Variants in TMEM106B observed in about 807,000 individuals in gnomAD.
TMEM106B encodes transmembrane protein 106B.
TMEM106B carries 15 observed loss-of-function variants against 31.1 expected under a neutral mutation model. The ratio of observed to expected loss-of-function variants is 0.48; its 90% CI spans 0.32 to 0.74. The LOEUF is 0.74. Among genes scored for constraint, TMEM106B ranks in the 30% least tolerant of loss-of-function variants. TMEM106B has a pLI of 0.03. For missense variants in TMEM106B, 283 were observed against 327.3 expected, an observed-to-expected ratio of 0.86 and a Z score of 1.04; for synonymous variants, 126 against 112.5, an observed-to-expected ratio of 1.12 and a Z score of -0.76.
intron 6 of TMEM106B, chr7:12,230,772 T>C (rs1170599366): frequency 5.2e-5 from 17 of 329,834 alleles, no homozygotes; most frequent in Non-Finnish European, 8.7e-5. Flanking sequence ...ATACAGACTT[T>C]TAGGGTAAAT....
intron 3 of TMEM106B, among the ~76,000 whole-genome samples, chr7:12,223,815 G>C (rs1191821462): frequency 6.6e-6 from 1 of 151,392 alleles, no homozygotes; most frequent in African/African-American, 2.4e-5. Context: ...CTGCCTCCCG[G>C]GTTCAAACTA....
chr7:12,219,375 C>T (rs756614930), intron 3 of TMEM106B, among the ~76,000 whole-genome samples: 3 of 152,260 alleles, frequency 2.0e-5, no homozygotes, highest in Non-Finnish European at 4.4e-5. Flanking sequence ...GCAACGCTGG[C>T]ATATTCCATC....
intron 1 of TMEM106B, chr7:12,214,483 CCCCTGCTTCAAAA>C (rs1781646551): frequency 4.4e-6 from 1 of 226,936 alleles, no homozygotes; most frequent in African/African-American, 2.3e-5. Context: ...CAGCCTTCCA[CCCCTGCTTCAAAA>C]TGTCCTGCTT....
chr7:12,220,063 A>G (rs554831250), intron 3 of TMEM106B, among the ~76,000 whole-genome samples: 26 of 152,326 alleles, frequency 1.7e-4, no homozygotes, highest in African/African-American at 6.3e-4. Context: ...ATGTTAGAAA[A>G]TCAGATTGAC....
intron 6 of TMEM106B, 25 bp from the exon 7 acceptor site, chr7:12,231,037 G>A (rs756187438): frequency 1.3e-6 from 2 of 1,526,402 alleles, no homozygotes; most frequent in South Asian, 2.4e-5. Flanking sequence ...ACTTGCATTT[G>A]TTCACATTTT....
intron 1 of TMEM106B, among the ~76,000 whole-genome samples, chr7:12,212,650 A>G (rs954984899): frequency 7.9e-5 from 12 of 152,162 alleles, no homozygotes; most frequent in African/African-American, 1.7e-4. Flanking sequence ...GTGTATATTC[A>G]TGGAGTACAA....
chr7:12,221,503 C>T (rs1240697723), intron 3 of TMEM106B, among the ~76,000 whole-genome samples: 1 of 152,064 alleles, frequency 6.6e-6, no homozygotes, highest in East Asian at 1.9e-4. Flanking sequence ...TAGAATAATG[C>T]CTGAAATACC....
chr7:12,224,430 T>A, intron 4 of TMEM106B, 45 bp downstream of exon 4: 6 of 1,529,158 alleles, frequency 3.9e-6, no homozygotes, highest in Non-Finnish European at 5.4e-6. Flanking sequence ...CATTCTTTTA[T>A]CCTATTAAGC....
intron 1 of TMEM106B, 74 bp from the exon 2 acceptor site, chr7:12,214,735 T>C (rs1781652504): frequency 8.5e-7 from 1 of 1,169,704 alleles, no homozygotes; most frequent in Non-Finnish European, 1.2e-6. Context: ...AATTAATTAG[T>C]GTAAATATCT....
At chr7:12,222,379 C>T (rs969644728) in intron 3 of TMEM106B, among the ~76,000 whole-genome samples, 2 of 152,032 alleles carry the variant, frequency 1.3e-5, no homozygotes, top group Non-Finnish European at 2.9e-5. Context: ...TTTATTGTCC[C>T]ACCAGGTTCA....
chr7:12,211,590 C>G (rs1205836195), intron 1 of TMEM106B, 165 bp downstream of exon 1: 2 of 152,442 alleles, frequency 1.3e-5, no homozygotes, highest in African/African-American at 4.8e-5. Context: ...GCTGTGTCGC[C>G]TCTAATGAGG....
chr7:12,221,276 TATAA>T (rs1297397358), intron 3 of TMEM106B, among the ~76,000 whole-genome samples: 1 of 152,244 alleles, frequency 6.6e-6, no homozygotes, highest in Non-Finnish European at 1.5e-5. Context: ...GTGCTGTGAC[TATAA>T]ATGTCGGGAG....
chr7:12,234,619 G>A lies in TMEM106B; in HGVS notation c.*2644G>A, dbSNP rs112114381. On this transcript the variant is annotated 3_prime_UTR_variant, in exon 8 of 8. Transcript: ENST00000396668. ...ATGGGAATAGGATAGGTATTAATAC[G>A]CTTTTCTAAACTGCTCTCAGACCTT... is the stretch of plus-strand genomic sequence containing the variant. The A allele has an allele frequency of 1.3e-5, 2 of 151,732 alleles. No individual in the cohort carries two copies. The highest frequency in any genetic ancestry group is 3.0e-5 in the Non-Finnish European group (2 of 67,744). 9.4% of individuals were successfully genotyped at this position (151,732 alleles called of 1,614,324 possible).
chr7:12,233,950 A>G lies in TMEM106B; in HGVS notation c.*1975A>G, dbSNP rs1271431132. 4.0e-5 allele frequency: 6 copies of G among 151,686 alleles called. No individual in the cohort carries two copies. Among genetic ancestry groups the G allele is most frequent in the Admixed American group, 3.3e-4 (5 of 15,224 alleles). The allele number at this position is 151,686 out of a possible 1,614,324, so 9.4% of individuals were successfully genotyped here. On this transcript the variant is annotated 3_prime_UTR_variant, in exon 8 of 8. Coordinates refer to ENST00000396668, the MANE Select transcript of TMEM106B (RefSeq NM_001134232.2). The stretch of plus-strand genomic sequence containing the variant: ...TGCTTTCACATTTAGCTAGTGAACT[A>G]CACATTTACTAAAATGTGTAAATTT...
intron 4 of TMEM106B, among the ~76,000 whole-genome samples, chr7:12,224,601 C>T (rs1583454855): frequency 6.6e-6 from 1 of 150,974 alleles, no homozygotes; most frequent in Non-Finnish European, 1.5e-5. Context: ...AATGATTTAG[C>T]ATTTGAAAAT....
At chr7:12,218,879 G>A (rs1241122672) in intron 3 of TMEM106B, among the ~76,000 whole-genome samples, 1 of 152,052 alleles carries the variant, frequency 6.6e-6, no homozygotes, top group Non-Finnish European at 1.5e-5. Context: ...GGACCCCAAC[G>A]GCCTTAGCAG....
At chr7:12,222,784 GTAT>G (rs1310779259) in intron 3 of TMEM106B, among the ~76,000 whole-genome samples, 1 of 152,156 alleles carries the variant, frequency 6.6e-6, no homozygotes, top group Admixed American at 6.5e-5. Context: ...GTGTTTGCTT[GTAT>G]TATTTTGTTT....
In TMEM106B at chr7:12,233,244, T is replaced by TG. The variant is rs1375385933; in HGVS notation, c.*1269_*1270insG. On this transcript the variant is annotated 3_prime_UTR_variant, in exon 8 of 8. Coordinates refer to ENST00000396668, the MANE Select transcript of TMEM106B (RefSeq NM_001134232.2). ...TTCAGTATCATTTTTCATTTTTTTTTTTTTTTGTCTTTTCACTTACCAAGT... is the reference window on the plus strand; with the variant it reads ...TTCAGTATCATTTTTCATTTTTTTTTGTTTTTTGTCTTTTCACTTACCAAGT... 3.6e-4 allele frequency: 54 copies of TG among 151,298 alleles called. No individual in the cohort carries two copies. The highest frequency in any genetic ancestry group is 1.2e-3 in the African/African-American group (51 of 41,408). The allele number at this position is 151,298 out of a possible 1,614,324, so 9.4% of individuals were successfully genotyped here.
Position 12,230,011 on chromosome 7 carries a change from A to G in TMEM106B, c.582+192A>G, listed in dbSNP as rs186158606. ...CTCAGTGGACTGCTTGAGCCCAGGA[A>G]TTCGAGACCAGCCTGGGCAACATGG... On this transcript the variant is annotated intron_variant, in intron 5 of 7. Coordinates refer to ENST00000396668, the MANE Select transcript of TMEM106B (RefSeq NM_001134232.2). 5.1e-4 allele frequency among the ~76,000 whole-genome samples: 77 copies of G among 151,642 alleles called. 2 individuals are homozygous for G. Among genetic ancestry groups the G allele is most frequent in the Non-Finnish European group, 1.0e-3 (68 of 67,950 alleles).
Sources: gnomAD v4.1 joint callset for allele counts (sites outside exome capture counted in the v4.1 genomes callset) on GRCh38, gnomAD v4.1.1 for gene constraint, MANE v1.5 for transcripts, NCBI Gene and HGNC (gene_info 2026-07-23, HGNC 2026-07-21) for gene names.